ANK2: variants seen among roughly 807,000 people sequenced by gnomAD.
ANK2 encodes the protein ankyrin 2, also known as ankyrin-2.
A neutral mutation model predicts 360.5 loss-of-function variants in ANK2; 83 were observed. That is an observed-to-expected ratio of 0.23 (90% CI 0.19 to 0.28). The LOEUF is 0.28. ANK2 is among the 10% of genes least tolerant of loss of function. ANK2 has a pLI of 1.00. For missense variants in ANK2, 4,201 were observed against 4,795.7 expected, an observed-to-expected ratio of 0.88 and a Z score of 3.66; for synonymous variants, 1,740 against 1,759.5, an observed-to-expected ratio of 0.99 and a Z score of 0.28.
chr4:112,836,598 G>A (rs1374290709), intron 1 of ANK2, among the ~76,000 whole-genome samples: 1 of 152,214 alleles, frequency 6.6e-6, no homozygotes, highest in Admixed American at 6.5e-5. Flanking sequence ...GGACAATGAA[G>A]TCCAGGCTGA....
chr4:113,274,736 G>T (rs1193685272), intron 15 of ANK2, 87 bp downstream of exon 15: 3 of 1,413,476 alleles, frequency 2.1e-6, no homozygotes, highest in Non-Finnish European at 3.0e-6. Context: ...AATCAAGAGG[G>T]TAGATCTCCT....
intron 1 of ANK2, among the ~76,000 whole-genome samples, chr4:113,067,643 C>T (rs1026924524): frequency 2.6e-5 from 4 of 152,034 alleles, no homozygotes; most frequent in East Asian, 1.9e-4. Context: ...ACAGTTACAG[C>T]GAAAGCTAAG....
the ANK2 span, among the ~76,000 whole-genome samples, chr4:112,742,729 CTTT>C: frequency 6.9e-6 from 1 of 144,582 alleles, no homozygotes; most frequent in Non-Finnish European, 1.5e-5. Flanking sequence ...TCCACATCTT[CTTT>C]TTTTTTTTTT....
At chr4:113,128,550 C>T (rs935084064) in intron 1 of ANK2, among the ~76,000 whole-genome samples, 1 of 152,114 alleles carries the variant, frequency 6.6e-6, no homozygotes, top group African/African-American at 2.4e-5. Flanking sequence ...AGTGCAGTGG[C>T]GCGATCTCGG....
At chr4:112,955,449 C>T (rs375093393) in intron 2 of ANK2, among the ~76,000 whole-genome samples, 2 of 151,856 alleles carry the variant, frequency 1.3e-5, no homozygotes, top group Non-Finnish European at 2.9e-5. Flanking sequence ...GATATGAGAG[C>T]GTTAATAGTA....
chr4:113,087,249 G>C (rs191506943), intron 1 of ANK2, among the ~76,000 whole-genome samples: 1 of 152,214 alleles, frequency 6.6e-6, no homozygotes, highest in Admixed American at 6.5e-5. Context: ...AGCAGCACAT[G>C]GTAAAGTCAA....
In ANK2 at chr4:113,376,571, T is replaced by C. The variant is rs184507504; in HGVS notation, c.11859+3122T>C. Among the ~76,000 whole-genome samples the C allele has an allele frequency of 1.1e-4, 16 of 152,262 alleles. No individual in the cohort carries two copies. The East Asian group carries it at 3.1e-3, about 29-fold the overall frequency. On this transcript the variant is annotated intron_variant, in intron 45 of 45. Transcript: ENST00000357077. ...TACATTTGTTTAAATTTTCCTTTAA[T>C]TTTTTTAAATCTTCCTTCTGCAATA...
chr4:113,231,319 T>G (rs1027288415), intron 4 of ANK2, among the ~76,000 whole-genome samples: 1 of 152,164 alleles, frequency 6.6e-6, no homozygotes, highest in African/African-American at 2.4e-5. Flanking sequence ...CCCAAAGTGC[T>G]GGGATTACAG....
At chr4:113,258,518 C>T (rs1277953721) in intron 13 of ANK2, 107 bp downstream of exon 13, 1 of 1,117,328 alleles carries the variant, frequency 8.9e-7, no homozygotes, top group African/African-American at 1.5e-5. Context: ...AGTAAGCAAC[C>T]AAGCTTTGAG....
intron 1 of ANK2, among the ~76,000 whole-genome samples, chr4:113,122,850 A>G (rs1322989432): frequency 6.6e-6 from 1 of 151,824 alleles, no homozygotes; most frequent in Admixed American, 6.6e-5. Flanking sequence ...TTATCTTTAA[A>G]TAAATGACTT....
chr4:112,951,049 T>A (rs28469349), intron 2 of ANK2, among the ~76,000 whole-genome samples: 1,514 of 119,874 alleles, frequency 0.013, 26 homozygotes, highest in African/African-American at 0.046. Context: ...GCCACTGCAC[T>A]CCAGCCTGGG....
chr4:113,127,132 T>C lies in ANK2; in HGVS notation c.85-47284T>C, dbSNP rs6815234. ...ATCAAACAGAAGCTCTTTTAAATTA[T>C]GCTTGTTTTATTTATCTTCTTTCAT... On this transcript the variant is annotated intron_variant, in intron 1 of 45. Coordinates refer to ENST00000357077, the MANE Select transcript of ANK2 (RefSeq NM_001148.6). Among the ~76,000 whole-genome samples, 1,383 of 152,292 alleles carry C rather than the reference T, an allele frequency of 9.1e-3. 31 individuals carry two copies. The highest frequency in any genetic ancestry group is 0.032 in the African/African-American group (1,321 of 41,566).
intron 23 of ANK2, 100 bp from the exon 24 acceptor site, chr4:113,311,155 T>A (rs966749916): frequency 2.1e-5 from 32 of 1,491,652 alleles, no homozygotes; most frequent in Non-Finnish European, 3.0e-5. Context: ...TTCATCAAGG[T>A]CAAGGTAATG....
chr4:113,194,769 T>C (rs1298725632), intron 2 of ANK2, among the ~76,000 whole-genome samples: 1 of 152,106 alleles, frequency 6.6e-6, no homozygotes, highest in Non-Finnish European at 1.5e-5. Context: ...TCAATAAATA[T>C]TTGCTGATTG....
intron 27 of ANK2, 49 bp downstream of exon 27, chr4:113,330,519 C>A: frequency 1.3e-6 from 2 of 1,574,746 alleles, no homozygotes; most frequent in East Asian, 2.2e-5. Context: ...GAGCTTGTGT[C>A]CTCTACATGA....
At chr4:112,972,360 A>G (rs531653643) in intron 2 of ANK2, among the ~76,000 whole-genome samples, 10 of 151,926 alleles carry the variant, frequency 6.6e-5, no homozygotes, top group African/African-American at 2.4e-4. Context: ...TCACCCCTCA[A>G]CAGGCCCCGG....
intron 2 of ANK2, among the ~76,000 whole-genome samples, chr4:113,187,703 A>G (rs547959478): frequency 4.9e-4 from 75 of 152,350 alleles, no homozygotes; most frequent in South Asian, 1.9e-3. Flanking sequence ...TATTTCAAAG[A>G]ATGATTTATA....
intron 2 of ANK2, among the ~76,000 whole-genome samples, chr4:112,926,393 A>G (rs1400423033): frequency 1.3e-5 from 2 of 152,164 alleles, no homozygotes; most frequent in Non-Finnish European, 2.9e-5. Flanking sequence ...CCACATGTTG[A>G]TAGTTTTTAT....
At position 113,041,534 on chromosome 4, in the gene ANK2, A is replaced by G. The variant is rs1040550672; in HGVS notation, c.22-132882A>G. ...CCTGAAACTTCAGAGGAAGTGTGTTACATGGTTGCAAAATCTGCCCTTTTT... is the reference window on the plus strand; with the variant it reads ...CCTGAAACTTCAGAGGAAGTGTGTTGCATGGTTGCAAAATCTGCCCTTTTT... On this transcript the variant is annotated intron_variant, in intron 2 of 30. Coordinates refer to the ANK2 transcript ENST00000503271. 2.3e-4 allele frequency among the ~76,000 whole-genome samples: 35 copies of G among 152,162 alleles called. 1 individual carries two copies.
Sources: gnomAD v4.1 joint callset for allele counts (sites outside exome capture counted in the v4.1 genomes callset) on GRCh38, gnomAD v4.1.1 for gene constraint, MANE v1.5 for transcripts, NCBI Gene and HGNC (gene_info 2026-07-23, HGNC 2026-07-21) for gene names.